The following SH3RF3 variants were observed in gnomAD, a reference collection of about 807,000 sequenced individuals.
The protein encoded by SH3RF3 is E3 ubiquitin-protein ligase SH3RF3.
In SH3RF3, 29 loss-of-function variants were observed where a neutral mutation model predicts 66.3. The ratio of observed to expected loss-of-function variants is 0.44; its 90% CI spans 0.33 to 0.60. The LOEUF (loss-of-function observed/expected upper bound fraction) is 0.60. Ranked by LOEUF, SH3RF3 falls within the 20% of genes least tolerant of loss-of-function variation. The pLI is 0.04. For missense variants in SH3RF3, 1,194 were observed against 1,190.9 expected, an observed-to-expected ratio of 1.00 and a Z score of -0.04; for synonymous variants, 583 against 532.0, an observed-to-expected ratio of 1.10 and a Z score of -1.32.
intron 1 of SH3RF3, among the ~76,000 whole-genome samples, chr2:109,214,368 C>T (rs552165900): frequency 2.6e-5 from 4 of 151,506 alleles, no homozygotes; most frequent in Non-Finnish European, 4.4e-5. Context: ...AGCAGGAGGC[C>T]GGGGCCACGT....
rs72944079 is a variant in SH3RF3, at chr2:109,142,937, C to T, written c.573+12824C>T. ...GTGACAATTGTCGTGCTGACAGATA[C>T]AGCACATGGGTGGTAGTGGAGTGCC... On this transcript the variant is annotated intron_variant, in intron 1 of 9. Coordinates refer to ENST00000309415, the MANE Select transcript of SH3RF3 (RefSeq NM_001099289.3). Among the ~76,000 whole-genome samples, 1,470 of 152,210 alleles carry T rather than the reference C, an allele frequency of 9.7e-3. 22 individuals are homozygous for T. Among genetic ancestry groups the T allele is most frequent in the African/African-American group, 0.033 (1,388 of 41,516 alleles).
intron 5 of SH3RF3, among the ~76,000 whole-genome samples, chr2:109,425,984 G>A (rs950066127): frequency 5.3e-5 from 8 of 152,036 alleles, no homozygotes; most frequent in Admixed American, 2.0e-4. Flanking sequence ...TGCAACCTCC[G>A]CCTCCTGGGT....
At chr2:109,163,699 G>A (rs546984898) in intron 1 of SH3RF3, among the ~76,000 whole-genome samples, 131 of 152,268 alleles carry the variant, frequency 8.6e-4, no homozygotes, top group Non-Finnish European at 1.6e-3. Flanking sequence ...GCGCCTGGCC[G>A]CAAATATTCT....
At chr2:109,212,734 T>C (rs572626916) in intron 1 of SH3RF3, among the ~76,000 whole-genome samples, 3 of 152,338 alleles carry the variant, frequency 2.0e-5, no homozygotes, top group African/African-American at 7.2e-5. Context: ...CATTCTCTCT[T>C]TGCCCGTGGC....
At position 109,187,378 on chromosome 2, in the gene SH3RF3, T is replaced by C. The variant is rs183311995; in HGVS notation, c.573+57265T>C. Among the ~76,000 whole-genome samples the C allele has an allele frequency of 2.3e-3, 349 of 150,746 alleles. 1 individual carries two copies. Among genetic ancestry groups the C allele is most frequent in the African/African-American group, 7.9e-3 (325 of 40,966 alleles). The stretch of plus-strand genomic sequence containing the variant: ...ACCACAGACTTTTTTTTTTTAAAGG[T>C]ATTATTTAGAAAAAGCTAAGATGGT... On this transcript the variant is annotated intron_variant, in intron 1 of 9. Transcript: ENST00000309415.
In SH3RF3 at chr2:109,224,194, T is replaced by C. The variant is rs183356380; in HGVS notation, c.573+94081T>C. ...TGTGTGCATGTGCAAATGGAGGGGG[T>C]GTGGGCATTGGGAGTTTAAACTTGG... On this transcript the variant is annotated intron_variant, in intron 1 of 9. Coordinates refer to ENST00000309415, the MANE Select transcript of SH3RF3 (RefSeq NM_001099289.3). 5.3e-5 allele frequency among the ~76,000 whole-genome samples: 8 copies of C among 152,104 alleles called. No individual in the cohort carries two copies. In the East Asian group the frequency reaches 1.5e-3, roughly 29 times the overall value.
At position 109,129,902 on chromosome 2, in the gene SH3RF3, T is replaced by TC; in HGVS notation, c.364dup (p.Arg122ProfsTer91). 1.3e-6 allele frequency: 2 copies of TC among 1,509,276 alleles called. No homozygotes were observed. Among genetic ancestry groups the TC allele is most frequent in the Non-Finnish European group, 1.8e-6 (2 of 1,134,650 alleles). The allele number at this position is 1,509,276 out of a possible 1,614,324, so 93.5% of individuals were successfully genotyped here. On this transcript the variant is annotated frameshift_variant, in exon 1 of 10. Transcript: ENST00000309415. LOFTEE classifies it high-confidence loss of function. ...TTGCTGGTGCGACTGCTGGACGGCA[T>TC]CCGTCAGCGGCCCCGCGCGGGCACC...
chr2:109,235,231 G>A (rs558190382), intron 1 of SH3RF3, among the ~76,000 whole-genome samples: 4 of 152,314 alleles, frequency 2.6e-5, no homozygotes, highest in Admixed American at 6.5e-5. Flanking sequence ...ATGTAAAATA[G>A]ATCAACCCTG....
intron 5 of SH3RF3, among the ~76,000 whole-genome samples, chr2:109,420,992 C>T (rs1676862206): frequency 6.6e-6 from 1 of 152,204 alleles, no homozygotes; most frequent in Admixed American, 6.5e-5. Context: ...CTTCCAGATG[C>T]CTTGAGACTG....
intron 8 of SH3RF3, among the ~76,000 whole-genome samples, chr2:109,474,152 C>T (rs1006919271): frequency 2.0e-4 from 30 of 152,278 alleles, no homozygotes; most frequent in African/African-American, 7.0e-4. Flanking sequence ...GCCAGGGAAG[C>T]TTGGCCGCAC....
chr2:109,182,578 AT>A (rs1221725609), intron 1 of SH3RF3, among the ~76,000 whole-genome samples: 1 of 152,228 alleles, frequency 6.6e-6, no homozygotes, highest in African/African-American at 2.4e-5. Flanking sequence ...CACAGGAGAT[AT>A]TTTGCATTAA....
At chr2:109,488,740 A>C (rs1679047383) in intron 8 of SH3RF3, among the ~76,000 whole-genome samples, 1 of 152,262 alleles carries the variant, frequency 6.6e-6, no homozygotes, top group Non-Finnish European at 1.5e-5. Flanking sequence ...AGCTGCCAGC[A>C]CATGAAGGGC....
chr2:109,261,951 C>A (rs1680366719), intron 1 of SH3RF3, among the ~76,000 whole-genome samples: 1 of 152,066 alleles, frequency 6.6e-6, no homozygotes, highest in Non-Finnish European at 1.5e-5. Context: ...GGATGTGTAG[C>A]ATTCCACTTC....
chr2:109,472,453 T>G (rs1678546653), intron 8 of SH3RF3, among the ~76,000 whole-genome samples: 1 of 152,148 alleles, frequency 6.6e-6, no homozygotes, highest in African/African-American at 2.4e-5. Flanking sequence ...CCGACGGGGC[T>G]TCCCGTCAGG....
intron 1 of SH3RF3, among the ~76,000 whole-genome samples, chr2:109,222,289 G>T (rs948461601): frequency 1.2e-4 from 19 of 152,132 alleles, no homozygotes; most frequent in African/African-American, 4.3e-4. Context: ...GTACAGCAGG[G>T]TGATTAGTTA....
rs543143321 is a variant in SH3RF3 at position 109,346,607 on chromosome 2, C to T, written c.574-1067C>T. Among the ~76,000 whole-genome samples the T allele has an allele frequency of 1.7e-4, 22 of 127,030 alleles. No homozygotes were observed. The South Asian group carries it at 5.5e-3, about 32-fold the overall frequency. 83.3% of individuals were successfully genotyped at this position (127,030 alleles called of 152,430 possible). On this transcript the variant is annotated intron_variant, in intron 1 of 9. Transcript: ENST00000309415. ...ACCCATAAAGGAAAAGGAGAGAGGC[C>T]CATGAGGCCAGATGGACTTGATGAG... is the stretch of plus-strand genomic sequence containing the variant.
intron 5 of SH3RF3, among the ~76,000 whole-genome samples, chr2:109,430,987 A>G (rs1677193940): frequency 6.6e-6 from 1 of 152,208 alleles, no homozygotes; most frequent in Non-Finnish European, 1.5e-5. Flanking sequence ...TAGGATTAGG[A>G]TGTTCGAAAA....
intron 4 of SH3RF3, among the ~76,000 whole-genome samples, chr2:109,417,980 C>G (rs1676769579): frequency 6.6e-6 from 1 of 151,994 alleles, no homozygotes; most frequent in African/African-American, 2.4e-5. Context: ...TGGCCACCTA[C>G]CTGGGGCAAC....
intron 1 of SH3RF3, among the ~76,000 whole-genome samples, chr2:109,323,754 G>A (rs1270158579): frequency 6.6e-6 from 1 of 152,224 alleles, no homozygotes; most frequent in East Asian, 1.9e-4. Context: ...GCTTCTCTAA[G>A]CTGTCAACAT....
Sources: gnomAD v4.1 joint callset for allele counts (sites outside exome capture counted in the v4.1 genomes callset) on GRCh38, gnomAD v4.1.1 for gene constraint, MANE v1.5 for transcripts, NCBI Gene and HGNC (gene_info 2026-07-23, HGNC 2026-07-21) for gene names.